DYM: variants seen among roughly 807,000 people sequenced by gnomAD.
DYM encodes dymeclin, also known as dyggve-Melchior-Clausen syndrome protein.
A neutral mutation model predicts 93.1 loss-of-function variants in DYM; 78 were observed. The ratio of observed to expected loss-of-function variants is 0.84; its 90% CI spans 0.70 to 1.01. DYM has a LOEUF of 1.01. Among genes scored for constraint, DYM ranks in the 50% least tolerant of loss-of-function variants. DYM has a pLI of 0.00. For missense variants in DYM, 789 were observed against 845.0 expected (o/e 0.93, Z 0.82); for synonymous variants, 321 against 319.7 (o/e 1.00, Z -0.04).
In DYM at chr18:49,202,876, G is replaced by A. The variant is rs1361083823; in HGVS notation, c.1625+6675C>T. Reference sequence around the variant, plus strand: ...GGGAAGTGAGGAGCGTCTCCGCCCGGCAGCCACCCCGTCCGGGAGGGAGGT... The same window carrying A: ...GGGAAGTGAGGAGCGTCTCCGCCCGACAGCCACCCCGTCCGGGAGGGAGGT... On this transcript the variant is annotated intron_variant, in intron 14 of 17. Transcript: ENST00000675505. 6.4e-5 allele frequency among the ~76,000 whole-genome samples: 7 copies of A among 109,796 alleles called. No homozygotes were observed. The South Asian group carries it at 2.7e-3, about 43-fold the overall frequency. 72.0% of individuals were successfully genotyped at this position (109,796 alleles called of 152,430 possible).
At chr18:49,287,136 G>T (rs957507078) in intron 8 of DYM, among the ~76,000 whole-genome samples, 1 of 151,980 alleles carries the variant, frequency 6.6e-6, no homozygotes, top group Non-Finnish European at 1.5e-5. Context: ...GCAGTGAGCT[G>T]AGATCATGCC....
rs59445548 is a variant in DYM at position 49,209,494 on chromosome 18, A to G, written c.1625+57T>C. On this transcript the variant is annotated intron_variant, in intron 14 of 17. Coordinates refer to ENST00000675505, the MANE Select transcript of DYM (RefSeq NM_001353214.3). ...GACACATGTCTTATTAAAACATGCA[A>G]TTGTCAGTCATATACAACATGCAGC... 49 of 1,097,404 alleles carry G rather than the reference A, an allele frequency of 4.5e-5. No individual in the cohort carries two copies. In the African/African-American group the frequency reaches 8.0e-4, roughly 18 times the overall value. 68.0% of individuals were successfully genotyped at this position (1,097,404 alleles called of 1,614,324 possible). A position where few individuals can be genotyped will look rare whatever the true frequency, so the allele number is the denominator to read the frequency against.
At chr18:49,262,161 C>T (rs2094499914) in intron 11 of DYM, among the ~76,000 whole-genome samples, 2 of 152,140 alleles carry the variant, frequency 1.3e-5, no homozygotes, top group Non-Finnish European at 2.9e-5. Context: ...AAGACAGACA[C>T]AGAGACAGAC....
At chr18:49,278,531 GCTATGGTGGCTTAGCATTAAGTGTGC>G (rs1261017752) in intron 10 of DYM, among the ~76,000 whole-genome samples, 5 of 152,086 alleles carry the variant, frequency 3.3e-5, no homozygotes, top group Admixed American at 2.6e-4. Context: ...TACCTTTGTG[GCTATGGTGGCTTAGCATTAAGTGTGC>G]CTCCTCCCAT....
intron 5 of DYM, among the ~76,000 whole-genome samples, chr18:49,366,899 G>A (rs2066572247): frequency 1.3e-5 from 2 of 152,124 alleles, no homozygotes; most frequent in African/African-American, 4.8e-5. Context: ...AGATAGGTTA[G>A]TTTAATTAGA....
intron 2 of DYM, among the ~76,000 whole-genome samples, chr18:49,414,941 A>C (rs2072746192): frequency 6.6e-6 from 1 of 152,194 alleles, no homozygotes; most frequent in East Asian, 1.9e-4. Flanking sequence ...CCTAGCAACT[A>C]GAAGACATTC....
intron 17 of DYM, among the ~76,000 whole-genome samples, chr18:49,060,132 T>C (rs1164464172): frequency 3.3e-5 from 5 of 152,154 alleles, no homozygotes; most frequent in Admixed American, 6.5e-5. Context: ...CATAACCTAA[T>C]GTTAGAAAGT....
chr18:49,199,390 T>A (rs527580389), intron 14 of DYM, among the ~76,000 whole-genome samples: 3 of 152,216 alleles, frequency 2.0e-5, no homozygotes, highest in East Asian at 3.9e-4. Flanking sequence ...AATAAAAAAA[T>A]TTATCTATTA....
rs1465552459 is a variant in DYM at position 49,399,970 on chromosome 18, C to G, written c.141-8325G>C. On this transcript the variant is annotated intron_variant, in intron 2 of 17. Transcript: ENST00000675505. ...TTTTTTTTTTTTTTTGAGACGGAGTCTTCCTTTATCACCCAGGCTGGAGTG... is the reference window on the plus strand; with the variant it reads ...TTTTTTTTTTTTTTTGAGACGGAGTGTTCCTTTATCACCCAGGCTGGAGTG... 1.1e-4 allele frequency among the ~76,000 whole-genome samples: 7 copies of G among 63,498 alleles called. No homozygotes were observed. In the East Asian group the frequency reaches 3.3e-3, roughly 30 times the overall value. 41.7% of individuals were successfully genotyped at this position (63,498 alleles called of 152,430 possible). A position where few individuals can be genotyped will look rare whatever the true frequency, so the allele number is the denominator to read the frequency against.
intron 10 of DYM, among the ~76,000 whole-genome samples, chr18:49,281,290 C>T (rs1236692157): frequency 6.6e-6 from 1 of 152,140 alleles, no homozygotes; most frequent in South Asian, 2.1e-4. Context: ...GATCATTAAA[C>T]AGTCAGGAAA....
intron 15 of DYM, among the ~76,000 whole-genome samples, chr18:49,131,868 A>G (rs1160422428): frequency 6.6e-6 from 1 of 152,192 alleles, no homozygotes; most frequent in African/African-American, 2.4e-5. Context: ...ACAAAAGGAC[A>G]TACCAGAATG....
chr18:49,305,963 C>G (rs2061248227), intron 8 of DYM, among the ~76,000 whole-genome samples: 1 of 152,218 alleles, frequency 6.6e-6, no homozygotes, highest in Non-Finnish European at 1.5e-5. Context: ...CTTAGATCTG[C>G]AACAAGTTGT....
In DYM at chr18:49,376,604, G is replaced by A. The variant is rs867987735; in HGVS notation, c.421+1963C>T. 3.5e-4 allele frequency among the ~76,000 whole-genome samples: 54 copies of A among 152,266 alleles called. No homozygotes were observed. The Middle Eastern group carries it at 0.014, about 38-fold the overall frequency. ...TGCCTTGCACACAGCATTGCTATGA[G>A]GCAGTAGTTTCCTGCCCTGTGATGT... is the stretch of plus-strand genomic sequence containing the variant. On this transcript the variant is annotated intron_variant, in intron 5 of 17. Transcript: ENST00000675505.
chr18:49,290,359 T>C (rs2060032374), intron 8 of DYM, among the ~76,000 whole-genome samples: 1 of 151,644 alleles, frequency 6.6e-6, no homozygotes, highest in Middle Eastern at 3.2e-3. Flanking sequence ...TATCCATATG[T>C]ACATATTTAA....
At chr18:49,329,986 T>C (rs1009777865) in intron 8 of DYM, among the ~76,000 whole-genome samples, 17 of 152,232 alleles carry the variant, frequency 1.1e-4, no homozygotes, top group Admixed American at 3.9e-4. Context: ...GGCAACTTGA[T>C]TGACTTTCCT....
At chr18:49,404,937 T>C (rs1441785136) in intron 2 of DYM, among the ~76,000 whole-genome samples, 1 of 146,094 alleles carries the variant, frequency 6.8e-6, no homozygotes, top group African/African-American at 2.5e-5. Context: ...TGCTTGAACC[T>C]GGGAGGCAGA....
chr18:49,271,532 C>T (rs900358864), intron 11 of DYM, among the ~76,000 whole-genome samples: 9 of 151,982 alleles, frequency 5.9e-5, no homozygotes, highest in Non-Finnish European at 8.8e-5. Flanking sequence ...TATGTTACTT[C>T]GAAACATGGA....
At chr18:49,217,247 G>A (rs1467682277) in intron 13 of DYM, among the ~76,000 whole-genome samples, 1 of 152,328 alleles carries the variant, frequency 6.6e-6, no homozygotes, top group Middle Eastern at 3.4e-3. Flanking sequence ...AGAAATATGG[G>A]ACTATGTGAA....
chr18:49,264,726 A>G (rs899030151), intron 11 of DYM, among the ~76,000 whole-genome samples: 1 of 152,208 alleles, frequency 6.6e-6, no homozygotes, highest in Non-Finnish European at 1.5e-5. Flanking sequence ...AGGAAAGAGA[A>G]AGAAATATCA....
Sources: allele counts gnomAD v4.1 joint callset (sites outside exome capture counted in the v4.1 genomes callset), GRCh38; gene constraint gnomAD v4.1.1; transcripts MANE v1.5; gene names NCBI Gene and HGNC (gene_info 2026-07-23, HGNC 2026-07-21).